STAG1: variants seen among roughly 807,000 people sequenced by gnomAD.
STAG1 encodes cohesin subunit SA-1.
Under a neutral mutation model 170.9 loss-of-function variants are expected in STAG1, and 26 were observed. That is an observed-to-expected ratio of 0.15 (90% CI 0.11 to 0.21). The LOEUF is 0.21. Among genes scored for constraint, STAG1 ranks in the 10% least tolerant of loss-of-function variants. The probability of loss-of-function intolerance (pLI) is 1.00; values close to 1 mark genes in which losing one functional copy is unlikely to be tolerated. For synonymous variants in STAG1, 514 were observed against 497.7 expected, an observed-to-expected ratio of 1.03 and a Z score of -0.44; for missense variants, 964 against 1,509.5, an observed-to-expected ratio of 0.64 and a Z score of 5.99.
At chr3:136,440,827 T>G (rs1045132410) in intron 15 of STAG1, among the ~76,000 whole-genome samples, 2 of 151,796 alleles carry the variant, frequency 1.3e-5, no homozygotes, top group African/African-American at 4.8e-5. Flanking sequence ...CCATCTTTAC[T>G]GAAAATACAA....
At position 136,472,541 on chromosome 3, in the gene STAG1, C is replaced by T. The variant is rs1319488318; in HGVS notation, c.1126-49G>A. The stretch of plus-strand genomic sequence containing the variant: ...AAACCAACTATGAACAGAAAATAAG[C>T]TGGGACAGATCTAATATAATGTATT... On this transcript the variant is annotated intron_variant, in intron 11 of 33. Coordinates refer to ENST00000383202, the MANE Select transcript of STAG1 (RefSeq NM_005862.3). 3.1e-6 allele frequency: 4 copies of T among 1,308,564 alleles called. No homozygotes were observed. In the South Asian group the frequency reaches 3.6e-5, roughly 12 times the overall value. 81.1% of individuals were successfully genotyped at this position (1,308,564 alleles called of 1,614,324 possible). A position where few individuals can be genotyped will look rare whatever the true frequency, so the allele number is the denominator to read the frequency against.
At chr3:136,352,000 G>A (rs1936450387) in intron 28 of STAG1, among the ~76,000 whole-genome samples, 1 of 152,142 alleles carries the variant, frequency 6.6e-6, no homozygotes. Context: ...ATCAGAGGCT[G>A]CACAAGGCAG....
chr3:136,715,865 A>G (rs1943528071), intron 1 of STAG1, among the ~76,000 whole-genome samples: 1 of 151,966 alleles, frequency 6.6e-6, no homozygotes, highest in Non-Finnish European at 1.5e-5. Flanking sequence ...TGGGAGGCCA[A>G]GGCAGGCAGA....
At chr3:136,645,096 T>C (rs1287099682) in intron 1 of STAG1, among the ~76,000 whole-genome samples, 5 of 152,134 alleles carry the variant, frequency 3.3e-5, no homozygotes, top group Non-Finnish European at 7.3e-5. Flanking sequence ...GGCTAAATAG[T>C]GTATGGGTGA....
intron 4 of STAG1, among the ~76,000 whole-genome samples, chr3:136,596,033 T>C (rs1280456871): frequency 6.6e-6 from 1 of 152,230 alleles, no homozygotes; most frequent in Non-Finnish European, 1.5e-5. Context: ...CTTCTGCTAC[T>C]GCCTACTAAA....
At chr3:136,728,627 T>C (rs1027370183) in intron 1 of STAG1, among the ~76,000 whole-genome samples, 1 of 152,224 alleles carries the variant, frequency 6.6e-6, no homozygotes, top group African/African-American at 2.4e-5. Flanking sequence ...TAACTATTAT[T>C]ATATAATGTT....
chr3:136,341,478 T>C lies in STAG1; in HGVS notation c.3520A>G (p.Asn1174Asp). ...ACTCCAGTTCTCACTTTCATGTAGT[T>C]CATTCCTGTTCTGTCCTTCCGATTT... ...DLNRKDRTGMNYMKVRTGVRH... is the reference protein window; with the variant it reads ...DLNRKDRTGMDYMKVRTGVRH... Residue 1174 changes from asparagine to aspartate, a missense_variant, in exon 31 of 34, where the codon AAC (asparagine) becomes GAC (aspartate). Asn to Asp is a conservative substitution (Grantham distance 23, BLOSUM62 1). This residue lies in a region of STAG1 where 122 missense variants were observed against 129.0 expected (regional missense o/e 0.95). Coordinates refer to ENST00000383202, the MANE Select transcript of STAG1 (RefSeq NM_005862.3). The C allele has an allele frequency of 6.2e-7, 1 of 1,613,986 alleles. No individual in the cohort carries two copies. Among genetic ancestry groups the C allele is most frequent in the Non-Finnish European group, 8.5e-7 (1 of 1,179,902 alleles).
chr3:136,359,584 C>T (rs1181365560), intron 26 of STAG1, among the ~76,000 whole-genome samples: 1 of 152,168 alleles, frequency 6.6e-6, no homozygotes, highest in Non-Finnish European at 1.5e-5. Flanking sequence ...GGCTGGAGTG[C>T]AGTGGTGGGA....
At position 136,676,395 on chromosome 3, in the gene STAG1, T is replaced by C. The variant is rs113773232; in HGVS notation, c.-83-45414A>G. 3.3e-5 allele frequency among the ~76,000 whole-genome samples: 5 copies of C among 152,330 alleles called. 1 individual carries two copies. The highest frequency in any genetic ancestry group is 1.2e-4 in the African/African-American group (5 of 41,580). On this transcript the variant is annotated intron_variant, in intron 1 of 33. Coordinates refer to ENST00000383202, the MANE Select transcript of STAG1 (RefSeq NM_005862.3). ...CTTTTTACTTTTTAAACTTTTTGAC[T>C]CTTTGGTAATAACACTCAGCTTAAA...
intron 25 of STAG1, among the ~76,000 whole-genome samples, chr3:136,364,537 G>A (rs181855841): frequency 6.6e-6 from 1 of 152,104 alleles, no homozygotes; most frequent in Non-Finnish European, 1.5e-5. Flanking sequence ...GGGGGATTAG[G>A]GTAACAGACT....
intron 1 of STAG1, among the ~76,000 whole-genome samples, chr3:136,666,584 G>A (rs893692948): frequency 2.0e-5 from 3 of 152,104 alleles, no homozygotes; most frequent in Non-Finnish European, 2.9e-5. Context: ...TTGGGAGGCC[G>A]AGGTGGGTGG....
chr3:136,462,129 C>T lies in STAG1; in HGVS notation c.1313+2752G>A, dbSNP rs536333631. On this transcript the variant is annotated intron_variant, in intron 13 of 33. Coordinates refer to ENST00000383202, the MANE Select transcript of STAG1 (RefSeq NM_005862.3). ...AAATTAGTACAGCAACAGTGGAAAA[C>T]AGTATGGAAGTTACTCAAAAAACTA... is the stretch of plus-strand genomic sequence containing the variant. Among the ~76,000 whole-genome samples, 4 of 152,108 alleles carry T rather than the reference C, an allele frequency of 2.6e-5. No homozygotes were observed. In the East Asian group the frequency reaches 5.8e-4, roughly 22 times the overall value.
At chr3:136,564,066 C>T (rs1206443727) in intron 5 of STAG1, among the ~76,000 whole-genome samples, 1 of 152,056 alleles carries the variant, frequency 6.6e-6, no homozygotes, top group East Asian at 1.9e-4. Context: ...TCACAGACAT[C>T]TTCCTCATTC....
chr3:136,631,014 T>C (rs1940309791), intron 1 of STAG1, 33 bp from the exon 2 acceptor site: 4 of 1,033,700 alleles, frequency 3.9e-6, no homozygotes, highest in Non-Finnish European at 4.2e-6. Flanking sequence ...TATTTTAAAA[T>C]AAAATGAGGA....
At chr3:136,613,313 CAAAAAAAAAAAA>C (rs60449608) in intron 3 of STAG1, among the ~76,000 whole-genome samples, 8 of 59,758 alleles carry the variant, frequency 1.3e-4, no homozygotes, top group African/African-American at 5.6e-4. Flanking sequence ...GACTCCGTCT[CAAAAAAAAAAAA>C]AAAAAAAAAA....
At chr3:136,713,046 T>C (rs1553770250) in intron 1 of STAG1, among the ~76,000 whole-genome samples, 1 of 151,964 alleles carries the variant, frequency 6.6e-6, no homozygotes, top group Non-Finnish European at 1.5e-5. Flanking sequence ...GAGCCAAGAT[T>C]GCGCCACTGC....
intron 15 of STAG1, among the ~76,000 whole-genome samples, chr3:136,439,383 C>T (rs1025955922): frequency 3.6e-5 from 5 of 139,472 alleles, no homozygotes; most frequent in Non-Finnish European, 7.7e-5. Context: ...CTGTAAAACA[C>T]CCCCCGACAC....
At chr3:136,451,931 A>C (rs759258241) in intron 14 of STAG1, 102 bp downstream of exon 14, 1 of 754,866 alleles carries the variant, frequency 1.3e-6, no homozygotes, top group Non-Finnish European at 2.1e-6. Context: ...ACTTTATAAG[A>C]AACAGACTTG....
In STAG1 at chr3:136,349,367, G is replaced by C. The variant is rs1268657053; in HGVS notation, c.3066-4C>G. The C allele has an allele frequency of 6.2e-7, 1 of 1,608,748 alleles. No individual in the cohort carries two copies. Among genetic ancestry groups the C allele is most frequent in the South Asian group, 1.1e-5 (1 of 90,980 alleles). On this transcript the variant is annotated splice_polypyrimidine_tract_variant and splice_region_variant and intron_variant, in intron 28 of 33. Transcript: ENST00000383202. The stretch of plus-strand genomic sequence containing the variant: ...GAATTTCTCTAGGTATGAATGACTA[G>C]AAACACAATAGAAACAGCAGTGATT...
Sources: allele counts gnomAD v4.1 joint callset (sites outside exome capture counted in the v4.1 genomes callset), GRCh38; gene constraint gnomAD v4.1.1; regional missense constraint gnomAD v4.1.1; transcripts MANE v1.5; gene names NCBI Gene and HGNC (gene_info 2026-07-23, HGNC 2026-07-21).